The following DSCAM variants were observed in gnomAD, a reference collection of about 807,000 sequenced individuals.
DSCAM encodes the protein cell adhesion molecule DSCAM.
A neutral mutation model predicts 217.7 loss-of-function variants in DSCAM; 47 were observed. That is an observed-to-expected ratio of 0.22 (90% confidence interval 0.17 to 0.28). DSCAM has a LOEUF of 0.28. Among genes scored for constraint, DSCAM ranks in the 10% least tolerant of loss-of-function variants. The pLI is 1.00. For synonymous variants in DSCAM, 1,056 were observed against 1,015.3 expected (o/e 1.04, Z -0.76); for missense variants, 2,080 against 2,618.3 (o/e 0.79, Z 4.49).
intron 29 of DSCAM, among the ~76,000 whole-genome samples, chr21:40,053,887 G>A (rs117415601): frequency 0.023 from 3,490 of 152,300 alleles, 58 homozygotes; most frequent in Non-Finnish European, 0.029. Context: ...CCATATGTAG[G>A]ATTATTGTCT....
chr21:40,642,060 C>CA lies in DSCAM; in HGVS notation c.508+50749dup, dbSNP rs1355997173. On this transcript the variant is annotated intron_variant, in intron 3 of 32. Transcript: ENST00000400454. The stretch of plus-strand genomic sequence containing the variant: ...TCTGTCTCAAAAAAAAAAAAAAAAA[C>CA]AAAGATTATATTCATGTATTCCTGT... 3.4e-5 allele frequency among the ~76,000 whole-genome samples: 3 copies of CA among 87,598 alleles called. 1 individual carries two copies. The highest frequency in any genetic ancestry group is 3.4e-4 in the Admixed American group (3 of 8,908). 57.5% of individuals were successfully genotyped at this position (87,598 alleles called of 152,430 possible). A position where few individuals can be genotyped will look rare whatever the true frequency, so the allele number is the denominator to read the frequency against.
At position 40,755,830 on chromosome 21, in the gene DSCAM, C is replaced by T. The variant is rs1293305169; in HGVS notation, c.44-47059G>A. On this transcript the variant is annotated intron_variant, in intron 1 of 32. Transcript: ENST00000400454. ...AAAAAATGGCTGCAATAAATTCTGTCATCCTTCATGCATGTCCTTTGCAAT... is the reference window on the plus strand; with the variant it reads ...AAAAAATGGCTGCAATAAATTCTGTTATCCTTCATGCATGTCCTTTGCAAT... Among the ~76,000 whole-genome samples the T allele has an allele frequency of 2.0e-5, 3 of 152,200 alleles. No homozygotes were observed. The East Asian group carries it at 5.8e-4, about 29-fold the overall frequency.
At chr21:40,294,104 T>TTGA (rs1330873975) in intron 10 of DSCAM, among the ~76,000 whole-genome samples, 1 of 152,200 alleles carries the variant, frequency 6.6e-6, no homozygotes, top group Non-Finnish European at 1.5e-5. Flanking sequence ...CTTTGATGAC[T>TTGA]TGATATTGGA....
chr21:40,375,468 A>G (rs1439442239), intron 3 of DSCAM, among the ~76,000 whole-genome samples: 2 of 152,186 alleles, frequency 1.3e-5, no homozygotes, highest in Non-Finnish European at 1.5e-5. Flanking sequence ...CTCTGACTGG[A>G]GGCTCTGAGC....
chr21:40,218,001 T>C (rs925975757), intron 11 of DSCAM, among the ~76,000 whole-genome samples: 64 of 152,362 alleles, frequency 4.2e-4, no homozygotes, highest in African/African-American at 1.3e-3. Context: ...CTCTGAAGTT[T>C]AATTAGCTTC....
At chr21:40,728,893 C>T (rs531167006) in intron 1 of DSCAM, among the ~76,000 whole-genome samples, 1 of 152,272 alleles carries the variant, frequency 6.6e-6, no homozygotes, top group East Asian at 1.9e-4. Context: ...ACCCTGGATT[C>T]CGTATTGTGT....
At chr21:40,824,792 C>T (rs540803322) in intron 1 of DSCAM, among the ~76,000 whole-genome samples, 4 of 152,248 alleles carry the variant, frequency 2.6e-5, no homozygotes, top group East Asian at 3.9e-4. Flanking sequence ...CCTCCACACC[C>T]GGGGACTTCC....
chr21:40,082,563 G>A (rs541425376), intron 24 of DSCAM, among the ~76,000 whole-genome samples: 1 of 152,076 alleles, frequency 6.6e-6, no homozygotes, highest in Admixed American at 6.5e-5. Flanking sequence ...TCTTGGCAAT[G>A]ACTCGGTTCA....
At chr21:40,718,744 A>G (rs749541955) in intron 1 of DSCAM, among the ~76,000 whole-genome samples, 7 of 152,232 alleles carry the variant, frequency 4.6e-5, no homozygotes, top group Admixed American at 2.0e-4. Flanking sequence ...GGAGTATTTT[A>G]TAAGGTAGGA....
At chr21:40,118,879 C>G (rs1241442745) in intron 20 of DSCAM, among the ~76,000 whole-genome samples, 1 of 152,168 alleles carries the variant, frequency 6.6e-6, no homozygotes, top group Non-Finnish European at 1.5e-5. Context: ...TTCCCTGGAA[C>G]TTCTGGGTAT....
At chr21:40,522,679 G>GAT (rs2076368591) in intron 3 of DSCAM, among the ~76,000 whole-genome samples, 1 of 152,142 alleles carries the variant, frequency 6.6e-6, no homozygotes, top group South Asian at 2.1e-4. Context: ...ATCGTCATGA[G>GAT]CAAAACAAAC....
At chr21:40,344,860 C>T (rs2074541260) in intron 6 of DSCAM, among the ~76,000 whole-genome samples, 1 of 152,104 alleles carries the variant, frequency 6.6e-6, no homozygotes, top group Non-Finnish European at 1.5e-5. Flanking sequence ...TTTTCTTCTG[C>T]ATTCCGTATC....
intron 1 of DSCAM, among the ~76,000 whole-genome samples, chr21:40,775,317 A>G (rs912538873): frequency 6.6e-6 from 1 of 152,206 alleles, no homozygotes; most frequent in Admixed American, 6.5e-5. Flanking sequence ...TGTGGTCACC[A>G]GTGGACTTAA....
intron 3 of DSCAM, among the ~76,000 whole-genome samples, chr21:40,603,297 G>T (rs1021811034): frequency 6.6e-6 from 1 of 152,090 alleles, no homozygotes; most frequent in Admixed American, 6.5e-5. Flanking sequence ...TGTGCATTCT[G>T]CTGTTGTTCA....
chr21:40,574,047 A>G (rs1601756088), intron 3 of DSCAM, among the ~76,000 whole-genome samples: 1 of 152,062 alleles, frequency 6.6e-6, no homozygotes, highest in African/African-American at 2.4e-5. Flanking sequence ...AGATGTCAAT[A>G]TCTAAGGAAG....
At chr21:40,725,090 G>A (rs1332261081) in intron 1 of DSCAM, among the ~76,000 whole-genome samples, 7 of 152,088 alleles carry the variant, frequency 4.6e-5, no homozygotes, top group Admixed American at 1.3e-4. Flanking sequence ...GCCTTTCCAG[G>A]GTTTGCTCTG....
At chr21:40,580,259 G>T (rs959943029) in intron 3 of DSCAM, among the ~76,000 whole-genome samples, 1 of 151,832 alleles carries the variant, frequency 6.6e-6, no homozygotes, top group Non-Finnish European at 1.5e-5. Flanking sequence ...AGGCCTGGTC[G>T]GGGTGGCTCA....
At chr21:40,781,585 C>T (rs1406822386) in intron 1 of DSCAM, among the ~76,000 whole-genome samples, 1 of 152,124 alleles carries the variant, frequency 6.6e-6, no homozygotes, top group Non-Finnish European at 1.5e-5. Context: ...ATAGGGCTGA[C>T]TTCTGAACTT....
At chr21:40,296,755 C>T (rs560848463) in intron 9 of DSCAM, among the ~76,000 whole-genome samples, 10 of 144,674 alleles carry the variant, frequency 6.9e-5, no homozygotes, top group East Asian at 6.4e-4. Flanking sequence ...TGCTTGGACC[C>T]GGGAAGCGGA....
Sources: gnomAD v4.1 joint callset for allele counts (sites outside exome capture counted in the v4.1 genomes callset) on GRCh38, gnomAD v4.1.1 for gene constraint, MANE v1.5 for transcripts, NCBI Gene and HGNC (gene_info 2026-07-23, HGNC 2026-07-21) for gene names.